DUSP4: variants seen among roughly 807,000 people sequenced by gnomAD.
DUSP4 encodes the protein dual specificity phosphatase 4.
Under a neutral mutation model 27.2 loss-of-function variants are expected in DUSP4, and 12 were observed. The observed-to-expected ratio is 0.44, with a 90% CI of 0.28 to 0.71. The LOEUF is 0.71. DUSP4 is among the 30% of genes least tolerant of loss of function. DUSP4 has a pLI of 0.14. For synonymous variants in DUSP4, 257 were observed against 245.2 expected (o/e 1.05, Z -0.45); for missense variants, 448 against 551.3 (o/e 0.81, Z 1.88).
Position 29,337,483 on chromosome 8 carries a change from C to A in DUSP4, c.800-72G>T. On this transcript the variant is annotated intron_variant, in intron 3 of 3. Transcript: ENST00000240100. The surrounding 1 kb of genome is among the most constrained non-coding windows in gnomAD (Gnocchi z 6.4). ...GCCCCGACCAGGGGCACCGGCCAGCCCCTGGGGTCGGGGGGCTCTGAAGGA... is the reference window on the plus strand; with the variant it reads ...GCCCCGACCAGGGGCACCGGCCAGCACCTGGGGTCGGGGGGCTCTGAAGGA... The A allele has an allele frequency of 1.3e-6, 2 of 1,515,022 alleles. 1 individual carries two copies. Among genetic ancestry groups the A allele is most frequent in the South Asian group, 2.6e-5 (2 of 77,022 alleles). The allele number at this position is 1,515,022 out of a possible 1,614,324, so 93.8% of individuals were successfully genotyped here.
intron 1 of DUSP4, among the ~76,000 whole-genome samples, chr8:29,341,757 A>G (rs1817658794): frequency 6.6e-6 from 1 of 152,174 alleles, no homozygotes. Context: ...TGCAGTAATT[A>G]GAGGATGAGG....
intron 1 of DUSP4, chr8:29,345,529 T>C: frequency 6.4e-7 from 1 of 1,560,066 alleles, no homozygotes; most frequent in Non-Finnish European, 8.6e-7. Flanking sequence ...TTTCTTCCCA[T>C]CGTGCTTCCT....
chr8:29,348,773 G>T (rs1379705800), intron 1 of DUSP4: 11 of 985,290 alleles, frequency 1.1e-5, no homozygotes, highest in Non-Finnish European at 1.3e-5. Flanking sequence ...GGGAGGAGCG[G>T]CTCTTTGATG....
chr8:29,337,214 GGGACTC>G lies in DUSP4; in HGVS notation c.991_996del (p.Glu331_Ser332del). 6.2e-7 allele frequency: 1 copy of G among 1,613,750 alleles called. No homozygotes were observed. The highest frequency in any genetic ancestry group is 8.5e-7 in the Non-Finnish European group (1 of 1,179,972). Reference sequence around the variant, plus strand: ...GCAGCACAGGACGTGGCCAGCACCTGGGACTCGAACTGCAGCAGCTGCCCCATGAAG... The same window carrying G: ...GCAGCACAGGACGTGGCCAGCACCTGGAACTGCAGCAGCTGCCCCATGAAG... On this transcript the variant is annotated inframe_deletion, in exon 4 of 4. Transcript: ENST00000240100. The surrounding 1 kb of genome is among the most constrained non-coding windows in gnomAD (Gnocchi z 6.4).
In DUSP4 at chr8:29,337,401, C is replaced by T; in HGVS notation, c.810G>A (p.Lys270=). Residue 270 remains lysine (K), a synonymous_variant, in exon 4 of 4, where the codon AAG becomes AAA. Transcript: ENST00000240100. This position sits in a 1 kb window ranked among gnomAD's most constrained non-coding sequence, Gnocchi z 6.4. ...GCACCAGCACGCGCCCACGGCAGTC[C>T]TTCACGGCATCTGGGGACAGGGTTC... ...MEAIEYIDAV[K]DCRGRVLVHC... The T allele has an allele frequency of 2.5e-6, 4 of 1,604,466 alleles. No homozygotes were observed. The highest frequency in any genetic ancestry group is 3.4e-6 in the Non-Finnish European group (4 of 1,177,924).
intron 2 of DUSP4, among the ~76,000 whole-genome samples, chr8:29,339,242 C>G (rs1232448059): frequency 6.6e-6 from 1 of 152,170 alleles, no homozygotes; most frequent in Non-Finnish European, 1.5e-5. Flanking sequence ...GAGAGAGGAT[C>G]TTGGCAAAAT....
intron 1 of DUSP4, among the ~76,000 whole-genome samples, chr8:29,342,059 G>A (rs1817663103): frequency 1.3e-5 from 2 of 152,218 alleles, no homozygotes; most frequent in African/African-American, 4.8e-5. Context: ...CACCAAGACA[G>A]ACAAGCTATC....
At position 29,335,235 on chromosome 8, in the gene DUSP4, C is replaced by T. The variant is rs1817553699; in HGVS notation, c.*1791G>A. Reference sequence around the variant, plus strand: ...CCCCCCAAACCCTCCCCACAGAAAACGTGTCTCCCTCCAAAGCCATTCTCC... The same window carrying T: ...CCCCCCAAACCCTCCCCACAGAAAATGTGTCTCCCTCCAAAGCCATTCTCC... On this transcript the variant is annotated 3_prime_UTR_variant, in exon 4 of 4. Coordinates refer to ENST00000240100, the MANE Select transcript of DUSP4 (RefSeq NM_001394.7). The T allele has an allele frequency of 7.4e-6, 1 of 135,018 alleles. No individual in the cohort carries two copies. The highest frequency in any genetic ancestry group is 7.5e-5 in the Admixed American group (1 of 13,294). The allele number at this position is 135,018 out of a possible 1,614,324, so 8.4% of individuals were successfully genotyped here.
chr8:29,340,378 G>A (rs1248178855), intron 1 of DUSP4, 135 bp from the exon 2 acceptor site: 3 of 1,143,388 alleles, frequency 2.6e-6, no homozygotes, highest in Admixed American at 2.9e-5. Context: ...CCACTAGGTG[G>A]CGCTGTGGAC....
Position 29,350,021 on chromosome 8 carries a change from G to T in DUSP4, c.258C>A (p.Ile86=), listed in dbSNP as rs1218079452. 4 of 1,595,270 alleles carry T rather than the reference G, an allele frequency of 2.5e-6. No individual in the cohort carries two copies. The highest frequency in any genetic ancestry group is 2.6e-6 in the Non-Finnish European group (3 of 1,172,792). ...CGCGTACCTCCTCCTCGGCGGGCAGGATCTGCTCCAGGCTCACGGAGCCCT... is the reference window on the plus strand; with the variant it reads ...CGCGTACCTCCTCCTCGGCGGGCAGTATCTGCTCCAGGCTCACGGAGCCCT... ...RAKGSVSLEQ[I]LPAEEEVRAR... is the part of the protein sequence containing the mutation. Residue 86 remains isoleucine, a synonymous_variant, in exon 1 of 4, where the codon ATC becomes ATA. Coordinates refer to ENST00000240100, the MANE Select transcript of DUSP4 (RefSeq NM_001394.7).
rs373313145 is a variant in DUSP4 at position 29,341,140 on chromosome 8, T to C, written c.434-897A>G. ...TCCAATCCACAGTGCTATCAATGTA[T>C]GGCCCTGCTTTTATTTTTATTTTAC... is the stretch of plus-strand genomic sequence containing the variant. On this transcript the variant is annotated intron_variant, in intron 1 of 3. Transcript: ENST00000240100. Among the ~76,000 whole-genome samples, 306 of 152,322 alleles carry C rather than the reference T, an allele frequency of 2.0e-3. 2 individuals carry two copies. Among genetic ancestry groups the C allele is most frequent in the South Asian group, 1.0e-2 (48 of 4,822 alleles).
In DUSP4 at chr8:29,336,103, A is replaced by C. The variant is rs560320681; in HGVS notation, c.*923T>G. 1 of 151,044 alleles carries C rather than the reference A, an allele frequency of 6.6e-6. No individual in the cohort carries two copies. The highest frequency in any genetic ancestry group is 2.4e-5 in the African/African-American group (1 of 41,024). 9.4% of individuals were successfully genotyped at this position (151,044 alleles called of 1,614,324 possible). On this transcript the variant is annotated 3_prime_UTR_variant, in exon 4 of 4. Transcript: ENST00000240100. ...CTTTTTTTTTCTTTTCTTTTTTTTT[A>C]AAAAAGCAATTCAAACCTAATTCTT...
intron 1 of DUSP4, among the ~76,000 whole-genome samples, chr8:29,344,588 C>G (rs1817700439): frequency 6.6e-6 from 1 of 152,178 alleles, no homozygotes; most frequent in African/African-American, 2.4e-5. Flanking sequence ...ATCTACAGTT[C>G]AACTCCACTG....
intron 1 of DUSP4, chr8:29,345,497 C>G: frequency 6.3e-7 from 1 of 1,595,604 alleles, no homozygotes; most frequent in Non-Finnish European, 8.5e-7. Context: ...GTTCAGCAAA[C>G]TGGCTTCCGT....
At position 29,350,500 on chromosome 8, in the gene DUSP4, C is replaced by T. The variant is rs1817807765; in HGVS notation, c.-222G>A. The stretch of plus-strand genomic sequence containing the variant: ...GTCGGAGCGGCCTCGGGCGCCCAGC[C>T]GGGCGGCGCGCAGAGCGGAGGGGGA... On this transcript the variant is annotated 5_prime_UTR_variant, in exon 1 of 4. Transcript: ENST00000240100. The T allele has an allele frequency of 1.8e-6, 1 of 558,168 alleles. No individual in the cohort carries two copies. The allele number at this position is 558,168 out of a possible 1,614,324, so 34.6% of individuals were successfully genotyped here. A position where few individuals can be genotyped will look rare whatever the true frequency, so the allele number is the denominator to read the frequency against.
chr8:29,349,758 G>C (rs1817792965), intron 1 of DUSP4, 88 bp downstream of exon 1: 7 of 1,401,300 alleles, frequency 5.0e-6, no homozygotes, highest in Non-Finnish European at 6.5e-6. Flanking sequence ...AATCACGCCG[G>C]GGACTCCTTC....
chr8:29,342,583 C>T (rs995420395), intron 1 of DUSP4, among the ~76,000 whole-genome samples: 5 of 152,130 alleles, frequency 3.3e-5, no homozygotes, highest in East Asian at 1.9e-4. Flanking sequence ...TCTTGGTTTC[C>T]GGAGACCTCC....
rs1472898916 is a variant in DUSP4, at chr8:29,334,353, C to T, written c.*2673G>A. 5 of 152,224 alleles carry T rather than the reference C, an allele frequency of 3.3e-5. No individual in the cohort carries two copies. Among genetic ancestry groups the T allele is most frequent in the Non-Finnish European group, 7.3e-5 (5 of 68,044 alleles). The allele number at this position is 152,224 out of a possible 1,614,324, so 9.4% of individuals were successfully genotyped here. A position where few individuals can be genotyped will look rare whatever the true frequency, so the allele number is the denominator to read the frequency against. On this transcript the variant is annotated 3_prime_UTR_variant, in exon 4 of 4. Coordinates refer to ENST00000240100, the MANE Select transcript of DUSP4 (RefSeq NM_001394.7). ...GAGCTATTGTAAGTCATCCAAAAGG[C>T]TTCTGACGAAAGAACAATTTTTAAA...
At position 29,335,552 on chromosome 8, in the gene DUSP4, T is replaced by G. The variant is rs1817560369; in HGVS notation, c.*1474A>C. ...CCCCTCTTTATTCAAAAGAGGACCT[T>G]CAAAAATATTCACCTAACTAGGAAT... On this transcript the variant is annotated 3_prime_UTR_variant, in exon 4 of 4. Transcript: ENST00000240100. 1 of 152,162 alleles carries G rather than the reference T, an allele frequency of 6.6e-6. No homozygotes were observed. Among genetic ancestry groups the G allele is most frequent in the African/African-American group, 2.4e-5 (1 of 41,416 alleles). The allele number at this position is 152,162 out of a possible 1,614,324, so 9.4% of individuals were successfully genotyped here.
Sources: allele counts gnomAD v4.1 joint callset (sites outside exome capture counted in the v4.1 genomes callset), GRCh38; gene constraint gnomAD v4.1.1; non-coding constraint Gnocchi (gnomAD v3.1); transcripts MANE v1.5; gene names NCBI Gene and HGNC (gene_info 2026-07-23, HGNC 2026-07-21).